CWC27: variants seen among roughly 807,000 people sequenced by gnomAD.
CWC27 encodes the protein CWC27 spliceosome associated cyclophilin, also known as spliceosome-associated protein CWC27 homolog.
A neutral mutation model predicts 63.6 loss-of-function variants in CWC27; 47 were observed. The ratio of observed to expected loss-of-function variants is 0.74; its 90% CI spans 0.58 to 0.94. The LOEUF (loss-of-function observed/expected upper bound fraction) is 0.94. Ranked by LOEUF, CWC27 falls within the 40% of genes least tolerant of loss-of-function variation. The probability of loss-of-function intolerance (pLI) is 0.00; values close to 1 mark genes in which losing one functional copy is unlikely to be tolerated. For synonymous variants in CWC27, 175 were observed against 179.8 expected, an observed-to-expected ratio of 0.97 and a Z score of 0.22; for missense variants, 495 against 554.3, an observed-to-expected ratio of 0.89 and a Z score of 1.07.
intron 10 of CWC27, among the ~76,000 whole-genome samples, chr5:64,875,370 A>G (rs575178647): frequency 2.6e-5 from 4 of 152,242 alleles, no homozygotes; most frequent in African/African-American, 9.6e-5. Flanking sequence ...TTCGTAAGTA[A>G]TGGTGTAGCA....
chr5:64,835,951 C>T (rs552976458), intron 10 of CWC27, among the ~76,000 whole-genome samples: 1 of 151,844 alleles, frequency 6.6e-6, no homozygotes, highest in African/African-American at 2.4e-5. Context: ...GATTTAAAAA[C>T]TATAAGTTTA....
chr5:64,801,235 G>A (rs772656261), intron 8 of CWC27, 67 bp from the exon 9 acceptor site: 80 of 1,296,954 alleles, frequency 6.2e-5, no homozygotes, highest in Non-Finnish European at 7.8e-5. Flanking sequence ...CTAGATTTTT[G>A]GGTTACAAAA....
chr5:64,862,020 G>A (rs1272063985), intron 10 of CWC27, among the ~76,000 whole-genome samples: 1 of 152,232 alleles, frequency 6.6e-6, no homozygotes, highest in Non-Finnish European at 1.5e-5. Flanking sequence ...TGTGTGCAGA[G>A]CACAGAGCGC....
At chr5:64,916,501 A>C (rs988489292) in intron 11 of CWC27, among the ~76,000 whole-genome samples, 1 of 152,170 alleles carries the variant, frequency 6.6e-6, no homozygotes, top group Non-Finnish European at 1.5e-5. Context: ...CTAAGCACTA[A>C]ATAGTTACAC....
At chr5:64,862,695 T>A (rs1439550328) in intron 10 of CWC27, among the ~76,000 whole-genome samples, 2 of 152,132 alleles carry the variant, frequency 1.3e-5, no homozygotes, top group African/African-American at 4.8e-5. Flanking sequence ...ACATGTTGAA[T>A]TTTTTTTAGT....
chr5:65,017,130 G>A (rs563671253), intron 13 of CWC27, among the ~76,000 whole-genome samples: 1 of 151,966 alleles, frequency 6.6e-6, no homozygotes, highest in Non-Finnish European at 1.5e-5. Context: ...GACCAGCCTG[G>A]CCAGCATGGT....
chr5:64,923,021 G>A (rs891394634), intron 11 of CWC27, among the ~76,000 whole-genome samples: 1 of 152,078 alleles, frequency 6.6e-6, no homozygotes. Flanking sequence ...TCAGGCTGCT[G>A]GCAACAGTAC....
At chr5:65,000,111 A>T (rs1210709278) in intron 13 of CWC27, among the ~76,000 whole-genome samples, 5 of 151,842 alleles carry the variant, frequency 3.3e-5, no homozygotes, top group African/African-American at 1.2e-4. Flanking sequence ...TTTTCTACAT[A>T]CCTGTTGGCC....
intron 13 of CWC27, among the ~76,000 whole-genome samples, chr5:65,008,391 CAG>C (rs1456276948): frequency 6.6e-6 from 1 of 152,124 alleles, no homozygotes; most frequent in Admixed American, 6.5e-5. Flanking sequence ...AAGTATACAA[CAG>C]AGTTACAATA....
Position 64,992,533 on chromosome 5 carries a change from C to CT in CWC27, c.1256+15308dup, listed in dbSNP as rs36044216. ...TCTCATCTTTGGAATACTTTCTACA[C>CT]TTTTTTTTTTTTTCTTGAGACAGAG... On this transcript the variant is annotated intron_variant, in intron 13 of 13. Transcript: ENST00000381070. Among the ~76,000 whole-genome samples, 346 of 146,770 alleles carry CT rather than the reference C, an allele frequency of 2.4e-3. 3 individuals carry two copies. Among genetic ancestry groups the CT allele is most frequent in the East Asian group, 0.022 (110 of 5,026 alleles).
At chr5:64,949,450 C>G (rs1221745938) in intron 11 of CWC27, among the ~76,000 whole-genome samples, 1 of 151,954 alleles carries the variant, frequency 6.6e-6, no homozygotes, top group East Asian at 1.9e-4. Flanking sequence ...ATTTTAACAA[C>G]CTGCTAACAT....
chr5:64,970,072 C>T (rs1749089293), intron 11 of CWC27, among the ~76,000 whole-genome samples: 1 of 152,164 alleles, frequency 6.6e-6, no homozygotes, highest in African/African-American at 2.4e-5. Flanking sequence ...GAAAGCAAAG[C>T]ATTAACTGCC....
At chr5:64,829,361 CT>C (rs1309401274) in intron 10 of CWC27, among the ~76,000 whole-genome samples, 1 of 152,000 alleles carries the variant, frequency 6.6e-6, no homozygotes. Context: ...TAAAATTTCC[CT>C]CCAGAAACAG....
intron 10 of CWC27, among the ~76,000 whole-genome samples, chr5:64,839,148 G>A (rs956148391): frequency 6.6e-6 from 1 of 152,190 alleles, no homozygotes; most frequent in African/African-American, 2.4e-5. Context: ...GAGTAAATAA[G>A]TGAAGTACTT....
chr5:64,911,898 C>T (rs1309529897), intron 11 of CWC27, among the ~76,000 whole-genome samples: 3 of 151,836 alleles, frequency 2.0e-5, no homozygotes, highest in Admixed American at 2.0e-4. Flanking sequence ...CATGGTGAAA[C>T]CCCATCTCTA....
At chr5:64,957,738 T>C (rs942880553) in intron 11 of CWC27, among the ~76,000 whole-genome samples, 2 of 152,134 alleles carry the variant, frequency 1.3e-5, no homozygotes, top group Non-Finnish European at 2.9e-5. Context: ...AAAAACGTTA[T>C]TAGGGAGACT....
chr5:64,905,346 C>T (rs1272312741), intron 11 of CWC27, among the ~76,000 whole-genome samples: 1 of 151,990 alleles, frequency 6.6e-6, no homozygotes. Flanking sequence ...AGTCTTTCAA[C>T]CTCCTCCTGC....
At chr5:64,789,577 G>A (rs940445401) in intron 7 of CWC27, among the ~76,000 whole-genome samples, 1 of 152,066 alleles carries the variant, frequency 6.6e-6, no homozygotes, top group Non-Finnish European at 1.5e-5. Flanking sequence ...TTAAATCCAT[G>A]TCCTTGAATT....
chr5:64,817,791 A>G (rs1745084983), intron 10 of CWC27, among the ~76,000 whole-genome samples: 1 of 152,066 alleles, frequency 6.6e-6, no homozygotes, highest in Admixed American at 6.6e-5. Context: ...TATTTAATTT[A>G]TGTGTGTGCA....
Sources: gnomAD v4.1 joint callset for allele counts (sites outside exome capture counted in the v4.1 genomes callset) on GRCh38, gnomAD v4.1.1 for gene constraint, MANE v1.5 for transcripts, NCBI Gene and HGNC (gene_info 2026-07-23, HGNC 2026-07-21) for gene names.